Variants in POU1F1 observed in about 807,000 individuals in gnomAD.
POU1F1 encodes the protein POU class 1 homeobox 1.
Under a neutral mutation model 32.3 loss-of-function variants are expected in POU1F1, and 23 were observed. The observed-to-expected ratio is 0.71, with a 90% CI of 0.51 to 1.01. The LOEUF (loss-of-function observed/expected upper bound fraction) is 1.01, where lower values mean the gene tolerates loss of function less well. POU1F1 is among the 50% of genes least tolerant of loss of function. The probability of loss-of-function intolerance (pLI) is 0.00; values close to 1 mark genes in which losing one functional copy is unlikely to be tolerated. For synonymous variants in POU1F1, 120 were observed against 115.6 expected (o/e 1.04, Z -0.25); for missense variants, 323 against 341.6 (o/e 0.95, Z 0.43).
chr3:87,271,558 T>C (rs1279865843), intron 2 of POU1F1, among the ~76,000 whole-genome samples: 1 of 152,168 alleles, frequency 6.6e-6, no homozygotes, highest in Non-Finnish European at 1.5e-5. Context: ...CTGTAAGGTC[T>C]TTCCTCCAGG....
intron 2 of POU1F1, among the ~76,000 whole-genome samples, chr3:87,267,204 A>T (rs994872824): frequency 6.6e-6 from 1 of 152,130 alleles, no homozygotes; most frequent in Non-Finnish European, 1.5e-5. Context: ...TCTATGCAAC[A>T]CTTTGTGTCG....
At chr3:87,268,367 A>G (rs552188902) in intron 2 of POU1F1, among the ~76,000 whole-genome samples, 2 of 152,130 alleles carry the variant, frequency 1.3e-5, no homozygotes, top group South Asian at 4.1e-4. Flanking sequence ...TCGGCCTCCT[A>G]AAGTGCTGGG....
chr3:87,272,217 ACAC>A (rs1706740590), intron 2 of POU1F1, among the ~76,000 whole-genome samples: 2 of 151,944 alleles, frequency 1.3e-5, no homozygotes, highest in African/African-American at 4.8e-5. Flanking sequence ...ACACGCACAC[ACAC>A]ATTTACTCAC....
At chr3:87,266,510 T>A (rs1706625469) in intron 2 of POU1F1, among the ~76,000 whole-genome samples, 1 of 151,276 alleles carries the variant, frequency 6.6e-6, no homozygotes, top group African/African-American at 2.4e-5. Context: ...GCTCTAAAGC[T>A]GGGAAAAGAT....
intron 5 of POU1F1, among the ~76,000 whole-genome samples, chr3:87,260,872 T>TTTTA (rs1017839437): frequency 2.1e-4 from 2 of 9,510 alleles, no homozygotes; most frequent in African/African-American, 3.0e-4. Context: ...ATTATTTTTT[T>TTTTA]TTTATTTATT....
chr3:87,271,822 G>A (rs898211596), intron 2 of POU1F1, among the ~76,000 whole-genome samples: 15 of 152,028 alleles, frequency 9.9e-5, no homozygotes, highest in African/African-American at 3.6e-4. Context: ...AAAGACGTCA[G>A]GATTTACAGG....
chr3:87,260,869 TTTTTTTATTTATTTA>T (rs1706497989), intron 5 of POU1F1, among the ~76,000 whole-genome samples: 3 of 6,520 alleles, frequency 4.6e-4, no homozygotes, highest in East Asian at 6.8e-3. Flanking sequence ...ATTATTATTT[TTTTTTTATTTATTTA>T]TTTATTTATT....
chr3:87,265,602 C>T (rs2106931635), intron 2 of POU1F1, among the ~76,000 whole-genome samples: 1 of 151,942 alleles, frequency 6.6e-6, no homozygotes, highest in East Asian at 1.9e-4. Flanking sequence ...ATGGGTTCTG[C>T]ATTCATGGAT....
intron 1 of POU1F1, among the ~76,000 whole-genome samples, chr3:87,274,876 G>A (rs1706797505): frequency 6.6e-6 from 1 of 151,576 alleles, no homozygotes; most frequent in Admixed American, 6.6e-5. Flanking sequence ...ATTTTAGGAA[G>A]TTAAATACAG....
rs1706467783 is a variant in POU1F1 at position 87,259,684 on chromosome 3, T to C, written c.*210A>G. On this transcript the variant is annotated 3_prime_UTR_variant, in exon 6 of 6. Transcript: ENST00000350375. The stretch of plus-strand genomic sequence containing the variant: ...AATATATTTGGCTTAAAATAGATAA[T>C]GTGGCTTCTGAGAATAATTATTTTA... 1.8e-6 allele frequency: 1 copy of C among 554,202 alleles called. No individual in the cohort carries two copies. Among genetic ancestry groups the C allele is most frequent in the Admixed American group, 3.2e-5 (1 of 31,242 alleles). The allele number at this position is 554,202 out of a possible 1,614,324, so 34.3% of individuals were successfully genotyped here.
intron 2 of POU1F1, among the ~76,000 whole-genome samples, chr3:87,270,565 ATAAAG>A (rs758900234): frequency 1.3e-4 from 20 of 152,206 alleles, no homozygotes; most frequent in Non-Finnish European, 2.1e-4. Context: ...CCATATGAAA[ATAAAG>A]TAATTTCACA....
At chr3:87,262,915 C>T (rs1706539590) in intron 3 of POU1F1, among the ~76,000 whole-genome samples, 1 of 151,992 alleles carries the variant, frequency 6.6e-6, no homozygotes, top group Non-Finnish European at 1.5e-5. Context: ...AGATAGAAAA[C>T]TGAAAATGAA....
In POU1F1 at chr3:87,262,255, A is replaced by G; in HGVS notation, c.440-20T>C. On this transcript the variant is annotated intron_variant, in intron 3 of 5. Coordinates refer to ENST00000350375, the MANE Select transcript of POU1F1 (RefSeq NM_000306.4). The stretch of plus-strand genomic sequence containing the variant: ...TGTATCCTGTGAAGGGACAATAAAG[A>G]CCATCAGCTCCAACTTTCCAGGAAA... The G allele has an allele frequency of 1.9e-6, 3 of 1,613,670 alleles. No individual in the cohort carries two copies. Among genetic ancestry groups the G allele is most frequent in the Non-Finnish European group, 1.7e-6 (2 of 1,179,776 alleles).
intron 2 of POU1F1, among the ~76,000 whole-genome samples, chr3:87,270,283 G>GA (rs1706701200): frequency 3.3e-5 from 5 of 152,154 alleles, no homozygotes; most frequent in South Asian, 2.1e-4. Flanking sequence ...CCACCACAAC[G>GA]TAGATATGAA....
intron 1 of POU1F1, among the ~76,000 whole-genome samples, chr3:87,275,945 T>C (rs1231881434): frequency 6.6e-6 from 1 of 152,148 alleles, no homozygotes. Context: ...ACCTTTAAGA[T>C]AAAGAAGTAG....
At chr3:87,275,609 CAT>C (rs1429322342) in intron 1 of POU1F1, among the ~76,000 whole-genome samples, 4 of 151,982 alleles carry the variant, frequency 2.6e-5, no homozygotes, top group Non-Finnish European at 5.9e-5. Context: ...ACTGGCAAAA[CAT>C]ATGTATTTGG....
chr3:87,273,710 C>G (rs1706769741), intron 1 of POU1F1, among the ~76,000 whole-genome samples: 1 of 152,136 alleles, frequency 6.6e-6, no homozygotes, highest in Admixed American at 6.5e-5. Flanking sequence ...GTGCTCTGTG[C>G]TATGGCTACG....
At position 87,276,542 on chromosome 3, in the gene POU1F1, G is replaced by T. The variant is rs973154078; in HGVS notation, c.-80C>A. The T allele has an allele frequency of 6.6e-7, 1 of 1,504,888 alleles. No homozygotes were observed. Among genetic ancestry groups the T allele is most frequent in the South Asian group, 1.2e-5 (1 of 84,152 alleles). 93.2% of individuals were successfully genotyped at this position (1,504,888 alleles called of 1,614,324 possible). The stretch of plus-strand genomic sequence containing the variant: ...TATTATATTACTGTCTCAAAGGGCC[G>T]ATTCAATTCTCACTACCTGCATATA... On this transcript the variant is annotated 5_prime_UTR_variant, in exon 1 of 6. The change creates a premature stop within an existing upstream ORF in the 5' untranslated region. Transcript: ENST00000350375.
At chr3:87,260,206 A>G in intron 5 of POU1F1, 102 bp from the exon 6 acceptor site, 1 of 890,630 alleles carries the variant, frequency 1.1e-6, no homozygotes, top group Non-Finnish European at 1.8e-6. Context: ...ATTAACATGA[A>G]AAGGAAACTT....
Sources: gnomAD v4.1 joint callset for allele counts (sites outside exome capture counted in the v4.1 genomes callset) on GRCh38, gnomAD v4.1.1 for gene constraint, MANE v1.5 for transcripts, NCBI Gene and HGNC (gene_info 2026-07-23, HGNC 2026-07-21) for gene names.